The following DOK7 variants were observed in gnomAD, a reference collection of about 807,000 sequenced individuals.
The protein encoded by DOK7 is docking protein 7.
In DOK7, 32 loss-of-function variants were observed where a neutral mutation model predicts 30.7. That is an observed-to-expected ratio of 1.04 (90% CI 0.79 to 1.40). DOK7 has a LOEUF of 1.40. Among genes scored for constraint, DOK7 ranks in the 40% most tolerant of loss-of-function variants. The pLI is 0.00. For missense variants in DOK7, 1,007 were observed against 699.2 expected (o/e 1.44, Z -4.97); for synonymous variants, 447 against 324.1 (o/e 1.38, Z -4.07).
intron 4 of DOK7, among the ~76,000 whole-genome samples, chr4:3,481,839 C>T (rs1727460565): frequency 6.6e-6 from 1 of 152,178 alleles, no homozygotes; most frequent in South Asian, 2.1e-4. Context: ...CATTTTCTTT[C>T]TCAAGCCGGT....
chr4:3,476,581 A>C (rs1553846757), intron 4 of DOK7, 39 bp downstream of exon 4: 1 of 1,610,732 alleles, frequency 6.2e-7, no homozygotes, highest in Non-Finnish European at 8.5e-7. Flanking sequence ...CAGCAGCAGC[A>C]CCCCCCACTT....
Position 3,493,722 on chromosome 4 carries a change from CAG to C in DOK7, c.*222_*223del. ...TGGAAGGCAGGGGCTCTGGGTCCGGCAGGTCGGGGTCACCAGAGCCCCAATGC... is the reference window on the plus strand; with the variant it reads ...TGGAAGGCAGGGGCTCTGGGTCCGGCGTCGGGGTCACCAGAGCCCCAATGC... On this transcript the variant is annotated 3_prime_UTR_variant, in exon 7 of 7. Coordinates refer to ENST00000340083, the MANE Select transcript of DOK7 (RefSeq NM_173660.5). 2 of 1,424,242 alleles carry C rather than the reference CAG, an allele frequency of 1.4e-6. No individual in the cohort carries two copies. The highest frequency in any genetic ancestry group is 1.5e-5 in the South Asian group (1 of 65,520). 88.2% of individuals were successfully genotyped at this position (1,424,242 alleles called of 1,614,324 possible).
intron 4 of DOK7, 58 bp downstream of exon 4, chr4:3,476,600 A>T: frequency 6.2e-7 from 1 of 1,606,326 alleles, no homozygotes; most frequent in Non-Finnish European, 8.5e-7. Context: ...TTCCCCTGAG[A>T]ACTGCTGGCT....
intron 6 of DOK7, among the ~76,000 whole-genome samples, chr4:3,492,227 AGTGAGGCAAGGACGCCAGCATG>A (rs1397276733): frequency 5.3e-4 from 80 of 151,956 alleles, no homozygotes; most frequent in Non-Finnish European, 1.1e-3. Flanking sequence ...GGAGACTGGG[AGTGAGGCAAGGACGCCAGCATG>A]GTGAGGGCAG....
At chr4:3,474,501 G>A (rs998549799) in intron 3 of DOK7, among the ~76,000 whole-genome samples, 36 of 152,044 alleles carry the variant, frequency 2.4e-4, no homozygotes, top group African/African-American at 8.5e-4. Context: ...CCTGGGCAAC[G>A]TGGCGAAACC....
chr4:3,480,462 G>A (rs1403112373), intron 4 of DOK7, among the ~76,000 whole-genome samples: 2 of 152,080 alleles, frequency 1.3e-5, no homozygotes, highest in Non-Finnish European at 2.9e-5. Flanking sequence ...ACAAAAATTA[G>A]GCAGGTGTGG....
At chr4:3,480,265 C>T (rs1161101730) in intron 4 of DOK7, among the ~76,000 whole-genome samples, 2 of 152,184 alleles carry the variant, frequency 1.3e-5, no homozygotes, top group South Asian at 2.1e-4. Context: ...TTTGCCCAGC[C>T]TCTGGGGGCC....
Position 3,493,456 on chromosome 4 carries a change from G to T in DOK7, c.1470G>T (p.Ser490=), listed in dbSNP as rs543344505. ...PHAGPPPAFF[S]ACPVCGGLKV... ...CGGGGCCACCCCCGGCTTTCTTTTC[G>T]GCATGTCCAGTCTGTGGAGGACTCA... The change falls in exon 7 of 7, where the codon TCG becomes TCT. Residue 490 remains serine (S), a synonymous_variant. Transcript: ENST00000340083. 8.1e-6 allele frequency: 13 copies of T among 1,609,968 alleles called. No homozygotes were observed. The highest frequency in any genetic ancestry group is 1.1e-5 in the South Asian group (1 of 90,654).
intron 4 of DOK7, among the ~76,000 whole-genome samples, chr4:3,479,877 G>C (rs1727334413): frequency 6.6e-6 from 1 of 152,246 alleles, no homozygotes; most frequent in Non-Finnish European, 1.5e-5. Context: ...TCACGGGCCT[G>C]TAGTGTGGAC....
rs1263438975 is a variant in DOK7, at chr4:3,463,325, C to T, written c.-51C>T. 4.2e-6 allele frequency: 6 copies of T among 1,415,582 alleles called. No homozygotes were observed. Among genetic ancestry groups the T allele is most frequent in the Non-Finnish European group, 5.5e-6 (6 of 1,096,330 alleles). The allele number at this position is 1,415,582 out of a possible 1,614,324, so 87.7% of individuals were successfully genotyped here. On this transcript the variant is annotated 5_prime_UTR_variant, in exon 1 of 7. Coordinates refer to ENST00000340083, the MANE Select transcript of DOK7 (RefSeq NM_173660.5). Reference sequence around the variant, plus strand: ...CCCTGCGAGCTATTTTGAAAGTGACCCTGGGCTGGGGCGCCGGGGCGAGCG... The same window carrying T: ...CCCTGCGAGCTATTTTGAAAGTGACTCTGGGCTGGGGCGCCGGGGCGAGCG...
rs761027826 is a variant in DOK7, at chr4:3,489,682, A to G, written c.658A>G (p.Ser220Gly). 1 of 1,566,036 alleles carries G rather than the reference A, an allele frequency of 6.4e-7. No homozygotes were observed. The highest frequency in any genetic ancestry group is 8.7e-7 in the Non-Finnish European group (1 of 1,155,608). ...FGLRPVLPDP[S>G]PPGPSTVEER... ...GAGTCTTCTCTCTGCCACAGACCCA[A>G]GTCCCCCGGGACCCTCGACTGTGGA... The change falls in exon 6 of 7, where the codon AGT (serine) becomes GGT (glycine). Residue 220 changes from serine to glycine, a missense_variant. Coordinates refer to ENST00000340083, the MANE Select transcript of DOK7 (RefSeq NM_173660.5).
chr4:3,471,727 C>A (rs1367828784), intron 2 of DOK7, among the ~76,000 whole-genome samples: 1 of 152,256 alleles, frequency 6.6e-6, no homozygotes, highest in Non-Finnish European at 1.5e-5. Context: ...GCCGGGCGTC[C>A]TGCTTCCTGC....
rs373576776 is a variant in DOK7 at position 3,500,306 on chromosome 4, G to A, written c.1164G>A (p.Glu388=). ...CAGGACCAGAGAGGCCGCGCGGCGA[G>A]TCGCCCACTTACGTGAACATCCCCG... Residue 388 remains glutamate (E), a synonymous_variant, in exon 7 of 8, where the codon GAG becomes GAA. Transcript: ENST00000643608. The A allele has an allele frequency of 2.8e-4, 428 of 1,535,968 alleles. 5 individuals carry two copies. In the Middle Eastern group the frequency reaches 5.7e-3, roughly 20 times the overall value.
chr4:3,476,515 T>G lies in DOK7; in HGVS notation c.505T>G (p.Phe169Val). The G allele has an allele frequency of 6.2e-7, 1 of 1,613,932 alleles. No homozygotes were observed. Among genetic ancestry groups the G allele is most frequent in the Non-Finnish European group, 8.5e-7 (1 of 1,180,034 alleles). The change falls in exon 4 of 7, where the codon TTT becomes GTT. Residue 169 changes from phenylalanine (F) to valine (V), a missense_variant. Phe to Val is a conservative substitution (Grantham distance 50, BLOSUM62 -1). Transcript: ENST00000340083. ...CGGGGCCGTGCCAAGCGGATTCATC[T>G]TTGAAGGCGGGACCAGGTGTGGGTA... The part of the protein sequence containing the change: ...RYGAVPSGFI[F>V]EGGTRCGYWA...
chr4:3,468,668 C>T, intron 2 of DOK7, among the ~76,000 whole-genome samples: 1 of 102,718 alleles, frequency 9.7e-6, no homozygotes, highest in African/African-American at 3.3e-5. Flanking sequence ...GTGTGTGTGC[C>T]TGTGTGCATG....
chr4:3,485,012 T>C (rs1727674868), intron 4 of DOK7, among the ~76,000 whole-genome samples: 1 of 152,136 alleles, frequency 6.6e-6, no homozygotes, highest in South Asian at 2.1e-4. Context: ...TTGATGTCTC[T>C]GGGGTCTCCT....
intron 5 of DOK7, among the ~76,000 whole-genome samples, chr4:3,488,928 G>T (rs1361208609): frequency 1.3e-5 from 2 of 152,252 alleles, no homozygotes; most frequent in East Asian, 1.9e-4. Flanking sequence ...TAGTGCCTGG[G>T]ACATCCCAGC....
intron 6 of DOK7, among the ~76,000 whole-genome samples, chr4:3,490,306 C>A (rs1728191887): frequency 4.6e-5 from 5 of 109,080 alleles, no homozygotes; most frequent in African/African-American, 1.7e-4. Context: ...TCCTCCGCCC[C>A]CCCGGCTCAT....
rs974352863 is a variant in DOK7, at chr4:3,473,659, G to A, written c.331+23G>A. On this transcript the variant is annotated intron_variant, in intron 3 of 6. Coordinates refer to ENST00000340083, the MANE Select transcript of DOK7 (RefSeq NM_173660.5). The stretch of plus-strand genomic sequence containing the variant: ...AGGGTGAGTGACGGGGGCCGGGGCC[G>A]GGCGGGGGCTCCCCGTTCAGGTGTG... The A allele has an allele frequency of 6.6e-6, 10 of 1,523,920 alleles. No individual in the cohort carries two copies. In the East Asian group the frequency reaches 7.4e-5, roughly 11 times the overall value. The allele number at this position is 1,523,920 out of a possible 1,614,324, so 94.4% of individuals were successfully genotyped here.
Sources: allele counts gnomAD v4.1 joint callset (sites outside exome capture counted in the v4.1 genomes callset), GRCh38; gene constraint gnomAD v4.1.1; transcripts MANE v1.5; gene names NCBI Gene and HGNC (gene_info 2026-07-23, HGNC 2026-07-21).